Variants in GPC5 observed in about 807,000 individuals in gnomAD.
GPC5 encodes the protein glypican 5.
A neutral mutation model predicts 53.9 loss-of-function variants in GPC5; 47 were observed. That is an observed-to-expected ratio of 0.87 (90% confidence interval 0.69 to 1.11). The LOEUF is 1.11. Ranked by LOEUF, GPC5 falls within the 50% of genes most tolerant of loss-of-function variation. The pLI is 0.00. For missense variants in GPC5, 748 were observed against 713.1 expected, an observed-to-expected ratio of 1.05 and a Z score of -0.56; for synonymous variants, 286 against 263.3, an observed-to-expected ratio of 1.09 and a Z score of -0.84.
chr13:92,861,528 C>A (rs927767734), intron 7 of GPC5, among the ~76,000 whole-genome samples: 1 of 152,020 alleles, frequency 6.6e-6, no homozygotes, highest in Non-Finnish European at 1.5e-5. Context: ...TGTAAATATC[C>A]ATTTCTGTTC....
intron 5 of GPC5, among the ~76,000 whole-genome samples, chr13:91,860,054 C>T (rs1328429779): frequency 6.6e-6 from 1 of 152,040 alleles, no homozygotes. Context: ...AAATGTTTAT[C>T]ATTTCTTTGT....
chr13:91,979,323 A>T (rs1276839376), intron 6 of GPC5, among the ~76,000 whole-genome samples: 3 of 152,216 alleles, frequency 2.0e-5, no homozygotes, highest in Non-Finnish European at 4.4e-5. Flanking sequence ...TAAGAACTAG[A>T]ATAAAACTTT....
At chr13:92,385,431 T>C (rs866505436) in intron 7 of GPC5, among the ~76,000 whole-genome samples, 6 of 83,350 alleles carry the variant, frequency 7.2e-5, no homozygotes, top group African/African-American at 1.9e-4. Context: ...CATATATACA[T>C]ATATACATAT....
intron 7 of GPC5, among the ~76,000 whole-genome samples, chr13:92,642,188 T>C (rs1365083893): frequency 2.0e-5 from 3 of 152,200 alleles, no homozygotes; most frequent in Non-Finnish European, 4.4e-5. Context: ...CTGTGAATGG[T>C]AGGGCCCACC....
chr13:91,886,603 A>G (rs1271232192), intron 5 of GPC5, among the ~76,000 whole-genome samples: 2 of 152,332 alleles, frequency 1.3e-5, no homozygotes, highest in South Asian at 4.1e-4. Context: ...TTATTTCTAC[A>G]TACAATGGGG....
chr13:91,399,013 C>T lies in GPC5; in HGVS notation c.-34C>T. On this transcript the variant is annotated 5_prime_UTR_variant, in exon 1 of 8. Transcript: ENST00000377067. ...CCAGGGCGCGCAGGGCGAGTGGGGT[C>T]CACTGGCGGGTAAAGGGGACCAGGA... 1 of 1,536,958 alleles carries T rather than the reference C, an allele frequency of 6.5e-7. No individual in the cohort carries two copies. Among genetic ancestry groups the T allele is most frequent in the South Asian group, 1.2e-5 (1 of 83,338 alleles).
At chr13:92,574,230 C>G (rs1883123239) in intron 7 of GPC5, among the ~76,000 whole-genome samples, 1 of 152,130 alleles carries the variant, frequency 6.6e-6, no homozygotes. Context: ...AAGGAAATGA[C>G]TTTTATCTAA....
intron 7 of GPC5, among the ~76,000 whole-genome samples, chr13:92,565,548 A>G (rs1399170456): frequency 6.6e-6 from 1 of 152,026 alleles, no homozygotes; most frequent in Non-Finnish European, 1.5e-5. Context: ...TTGCAGTTAC[A>G]ATTAAAATTA....
At chr13:92,280,878 T>C (rs1023393475) in intron 7 of GPC5, among the ~76,000 whole-genome samples, 3 of 152,080 alleles carry the variant, frequency 2.0e-5, no homozygotes, top group Non-Finnish European at 2.9e-5. Context: ...TTCATCTCAC[T>C]GGGGCTTGTC....
intron 5 of GPC5, among the ~76,000 whole-genome samples, chr13:91,885,471 T>A (rs943982749): frequency 3.3e-5 from 5 of 152,230 alleles, no homozygotes; most frequent in African/African-American, 7.2e-5. Context: ...GTGCTTTTGC[T>A]GTTCATCATT....
At chr13:92,428,360 C>T (rs909174681) in intron 7 of GPC5, among the ~76,000 whole-genome samples, 22 of 152,030 alleles carry the variant, frequency 1.4e-4, no homozygotes, top group Non-Finnish European at 2.9e-4. Flanking sequence ...GAGGTAGTAC[C>T]CTGTGTTATA....
chr13:92,172,943 AT>A (rs2042081043), intron 7 of GPC5, among the ~76,000 whole-genome samples: 1 of 150,604 alleles, frequency 6.6e-6, no homozygotes, highest in Admixed American at 6.6e-5. Flanking sequence ...TTAGGCAATT[AT>A]TTTAATTTGA....
At chr13:92,411,087 A>G (rs1304530838) in intron 7 of GPC5, among the ~76,000 whole-genome samples, 3 of 152,098 alleles carry the variant, frequency 2.0e-5, no homozygotes, top group Admixed American at 2.0e-4. Flanking sequence ...ACAAACAAAC[A>G]AACAAAAAAG....
At chr13:92,614,621 G>T (rs1036361579) in intron 7 of GPC5, among the ~76,000 whole-genome samples, 1 of 152,228 alleles carries the variant, frequency 6.6e-6, no homozygotes, top group Non-Finnish European at 1.5e-5. Flanking sequence ...TAATTCAAAT[G>T]GTTGGTTACA....
intron 7 of GPC5, among the ~76,000 whole-genome samples, chr13:92,166,956 T>TCTCTCACACA (rs1415930136): frequency 2.4e-5 from 2 of 84,710 alleles, no homozygotes; most frequent in African/African-American, 9.0e-5. Flanking sequence ...TCTCTCTCTC[T>TCTCTCACACA]CACACACACA....
intron 6 of GPC5, among the ~76,000 whole-genome samples, chr13:91,935,128 G>C (rs2039857801): frequency 6.6e-6 from 1 of 151,888 alleles, no homozygotes; most frequent in African/African-American, 2.4e-5. Context: ...CAGTACTGTG[G>C]ATTAGGATAG....
intron 6 of GPC5, among the ~76,000 whole-genome samples, chr13:91,946,417 T>G (rs191665006): frequency 6.6e-6 from 1 of 152,222 alleles, no homozygotes; most frequent in Admixed American, 6.5e-5. Flanking sequence ...GAAAATTTAG[T>G]TTGCTATCTG....
chr13:92,181,367 G>C (rs1344828175), intron 7 of GPC5, among the ~76,000 whole-genome samples: 1 of 152,046 alleles, frequency 6.6e-6, no homozygotes, highest in African/African-American at 2.4e-5. Flanking sequence ...TGTGTTTGGG[G>C]AAAATCTGAC....
intron 1 of GPC5, among the ~76,000 whole-genome samples, chr13:91,444,641 A>G (rs1880660506): frequency 6.6e-6 from 1 of 152,076 alleles, no homozygotes; most frequent in Admixed American, 6.6e-5. Flanking sequence ...TTTGGGCTAG[A>G]CTTTCTCTAT....
Sources: allele counts gnomAD v4.1 joint callset (sites outside exome capture counted in the v4.1 genomes callset), GRCh38; gene constraint gnomAD v4.1.1; transcripts MANE v1.5; gene names NCBI Gene and HGNC (gene_info 2026-07-23, HGNC 2026-07-21).